MSRA: variants seen among roughly 807,000 people sequenced by gnomAD.
The protein encoded by MSRA is methionine sulfoxide reductase A.
MSRA carries 54 observed loss-of-function variants against 31.3 expected under a neutral mutation model. The ratio of observed to expected loss-of-function variants is 1.73; its 90% CI spans 1.39 to 2.17. The LOEUF (loss-of-function observed/expected upper bound fraction) is 2.17. MSRA is among the 30% of genes most tolerant of loss of function. The probability of loss-of-function intolerance (pLI) is 0.00; values close to 1 mark genes in which losing one functional copy is unlikely to be tolerated. For synonymous variants in MSRA, 169 were observed against 116.5 expected (o/e 1.45, Z -2.90); for missense variants, 507 against 300.9 (o/e 1.69, Z -5.07).
chr8:10,204,719 A>G (rs1170914078), intron 1 of MSRA, among the ~76,000 whole-genome samples: 1 of 152,228 alleles, frequency 6.6e-6, no homozygotes, highest in Non-Finnish European at 1.5e-5. Context: ...ATAACTGTAT[A>G]TATGTATTTT....
intron 5 of MSRA, among the ~76,000 whole-genome samples, chr8:10,348,848 C>A (rs546695583): frequency 2.0e-3 from 309 of 152,158 alleles, no homozygotes; most frequent in Non-Finnish European, 3.5e-3. Flanking sequence ...TTGGGGGGGA[C>A]AAGGCACATG....
At chr8:10,268,895 A>T (rs1798883621) in intron 3 of MSRA, among the ~76,000 whole-genome samples, 1 of 152,244 alleles carries the variant, frequency 6.6e-6, no homozygotes, top group South Asian at 2.1e-4. Context: ...ATTAAAACAC[A>T]ACTTGATAGT....
chr8:10,351,552 G>A (rs1020967374), intron 5 of MSRA, among the ~76,000 whole-genome samples: 9 of 152,138 alleles, frequency 5.9e-5, no homozygotes, highest in South Asian at 2.1e-4. Flanking sequence ...GTGCCCGGCC[G>A]AAAGTGACTT....
intron 1 of MSRA, among the ~76,000 whole-genome samples, chr8:10,104,615 A>G (rs774246107): frequency 3.9e-5 from 6 of 152,306 alleles, no homozygotes; most frequent in South Asian, 4.1e-4. Context: ...CCAAGGTTTT[A>G]TCATGCAGTT....
chr8:10,288,212 T>C (rs79135217), intron 3 of MSRA, among the ~76,000 whole-genome samples: 1,938 of 152,322 alleles, frequency 0.013, 129 homozygotes, highest in Admixed American at 0.09. Context: ...GCGGCCTTTT[T>C]AGACATTTCT....
At chr8:10,233,973 C>T (rs572193098) in intron 2 of MSRA, among the ~76,000 whole-genome samples, 183 of 152,232 alleles carry the variant, frequency 1.2e-3, no homozygotes, top group African/African-American at 4.1e-3. Flanking sequence ...ATCAGACTGA[C>T]AGCAGGCTTA....
intron 3 of MSRA, among the ~76,000 whole-genome samples, chr8:10,279,551 G>T (rs537613365): frequency 6.6e-6 from 1 of 152,094 alleles, no homozygotes; most frequent in Non-Finnish European, 1.5e-5. Context: ...TTACGTCTCT[G>T]ACTCTCCCGT....
chr8:10,394,821 C>G (rs1205817128), intron 5 of MSRA, among the ~76,000 whole-genome samples: 1 of 152,252 alleles, frequency 6.6e-6, no homozygotes, highest in East Asian at 1.9e-4. Context: ...CACCCAGTAT[C>G]ATGATGGCTA....
chr8:10,160,955 A>G (rs1053978990), intron 1 of MSRA, among the ~76,000 whole-genome samples: 7 of 151,710 alleles, frequency 4.6e-5, no homozygotes, highest in Non-Finnish European at 8.8e-5. Flanking sequence ...GCATTAATTA[A>G]CATTGCTAAT....
intron 1 of MSRA, among the ~76,000 whole-genome samples, chr8:10,133,636 A>G (rs1802060384): frequency 6.6e-6 from 1 of 152,220 alleles, no homozygotes; most frequent in Non-Finnish European, 1.5e-5. Flanking sequence ...AAAAAGACCT[A>G]CATCACAGGG....
chr8:10,318,035 T>A (rs17151731), intron 4 of MSRA, among the ~76,000 whole-genome samples: 1 of 152,070 alleles, frequency 6.6e-6, no homozygotes, highest in East Asian at 1.9e-4. Flanking sequence ...AAGCTTGTTC[T>A]TATTTCTGGG....
intron 5 of MSRA, among the ~76,000 whole-genome samples, chr8:10,391,710 T>G (rs1244576433): frequency 6.6e-6 from 1 of 152,196 alleles, no homozygotes; most frequent in East Asian, 1.9e-4. Context: ...CTAACAGCTC[T>G]GCCACCTGCT....
chr8:10,223,208 A>G (rs777755059), intron 2 of MSRA, among the ~76,000 whole-genome samples: 3 of 152,210 alleles, frequency 2.0e-5, no homozygotes, highest in Non-Finnish European at 4.4e-5. Flanking sequence ...ATTTTTAGAT[A>G]GAATGGTTTG....
intron 5 of MSRA, among the ~76,000 whole-genome samples, chr8:10,380,326 T>G (rs1378932569): frequency 6.6e-6 from 1 of 152,232 alleles, no homozygotes; most frequent in East Asian, 1.9e-4. Flanking sequence ...TCTGCTATGT[T>G]AGGAGGAGGC....
At chr8:10,269,073 C>T (rs1402008705) in intron 3 of MSRA, among the ~76,000 whole-genome samples, 2 of 152,264 alleles carry the variant, frequency 1.3e-5, no homozygotes, top group African/African-American at 2.4e-5. Flanking sequence ...GCTTCTCCAA[C>T]GCCTTTATTG....
chr8:10,068,139 C>G (rs1797556621), intron 1 of MSRA, among the ~76,000 whole-genome samples: 1 of 152,126 alleles, frequency 6.6e-6, no homozygotes, highest in South Asian at 2.1e-4. Context: ...CCGCCTTGGT[C>G]TCTCAAAGTG....
intron 5 of MSRA, among the ~76,000 whole-genome samples, chr8:10,324,881 C>G (rs1802272154): frequency 1.3e-5 from 2 of 152,202 alleles, no homozygotes; most frequent in Admixed American, 1.3e-4. Flanking sequence ...TGCCATCAGT[C>G]ATAGGTTGAT....
intron 5 of MSRA, among the ~76,000 whole-genome samples, chr8:10,344,457 C>G (rs915098870): frequency 3.3e-5 from 5 of 151,628 alleles, no homozygotes; most frequent in African/African-American, 4.8e-5. Flanking sequence ...TCCTGAAGTC[C>G]CAGCTACTGG....
At chr8:10,135,048 G>T (rs1246867582) in intron 1 of MSRA, among the ~76,000 whole-genome samples, 3 of 152,246 alleles carry the variant, frequency 2.0e-5, no homozygotes. Flanking sequence ...ACTTTAAGGT[G>T]AAGAGGAAGC....
Sources: allele counts gnomAD v4.1 joint callset (sites outside exome capture counted in the v4.1 genomes callset), GRCh38; gene constraint gnomAD v4.1.1; transcripts MANE v1.5; gene names NCBI Gene and HGNC (gene_info 2026-07-23, HGNC 2026-07-21).